Variants in ADARB1 observed in about 807,000 individuals in gnomAD.
ADARB1 encodes adenosine deaminase RNA specific B1.
In ADARB1, 10 loss-of-function variants were observed where a neutral mutation model predicts 52.4. That is an observed-to-expected ratio of 0.19 (90% CI 0.12 to 0.32). ADARB1 has a LOEUF of 0.32. Ranked by LOEUF, ADARB1 falls within the 10% of genes least tolerant of loss-of-function variation. The probability of loss-of-function intolerance (pLI) is 1.00; values close to 1 mark genes in which losing one functional copy is unlikely to be tolerated. For missense variants in ADARB1, 643 were observed against 922.3 expected (o/e 0.70, Z 3.92); for synonymous variants, 349 against 371.1 (o/e 0.94, Z 0.68).
rs1228369404 is a variant in ADARB1 at position 45,175,839 on chromosome 21, T to G, written c.138T>G (p.Gly46=). The change falls in exon 4 of 11, where the codon GGT becomes GGG. Residue 46 remains glycine, a synonymous_variant. Transcript: ENST00000348831. ...GCTCTCAGCTCTCCAATGGGGGTGG[T>G]GGTGGCCCCGGCAGAAAGCGGCCCC... The part of the protein sequence containing the change: ...GEGSQLSNGG[G]GGPGRKRPLE... The G allele has an allele frequency of 1.9e-6, 3 of 1,613,862 alleles. No homozygotes were observed.
At chr21:45,113,410 A>G (rs1005835976) in intron 1 of ADARB1, among the ~76,000 whole-genome samples, 1 of 151,950 alleles carries the variant, frequency 6.6e-6, no homozygotes, top group Non-Finnish European at 1.5e-5. Context: ...GCGACAGAGC[A>G]AGACTCTGTC....
intron 4 of ADARB1, among the ~76,000 whole-genome samples, chr21:45,178,362 C>T (rs887488136): frequency 2.0e-5 from 3 of 152,260 alleles, no homozygotes; most frequent in Non-Finnish European, 2.9e-5. Flanking sequence ...CCTGACGCCA[C>T]GTTCCTCTGG....
At chr21:45,161,419 T>C (rs750531351) in intron 2 of ADARB1, among the ~76,000 whole-genome samples, 8 of 152,188 alleles carry the variant, frequency 5.3e-5, no homozygotes, top group Non-Finnish European at 1.2e-4. Flanking sequence ...CAGATCAAAG[T>C]TGTGGCCGAG....
At chr21:45,094,379 A>T (rs2086673258) in intron 1 of ADARB1, among the ~76,000 whole-genome samples, 1 of 152,150 alleles carries the variant, frequency 6.6e-6, no homozygotes, top group Admixed American at 6.5e-5. Context: ...GCCTGAAATT[A>T]CCTTTAAACT....
At chr21:45,103,531 G>A (rs2087117228) in intron 1 of ADARB1, among the ~76,000 whole-genome samples, 1 of 151,812 alleles carries the variant, frequency 6.6e-6, no homozygotes, top group Admixed American at 6.6e-5. Flanking sequence ...TAAGGAATGT[G>A]CAACCTAGAC....
At chr21:45,152,130 A>T (rs1273351921) in intron 2 of ADARB1, among the ~76,000 whole-genome samples, 2 of 152,224 alleles carry the variant, frequency 1.3e-5, no homozygotes, top group Admixed American at 1.3e-4. Flanking sequence ...AGCTGTTTTC[A>T]TCAGCTGGCG....
chr21:45,163,480 G>C (rs2146053175), intron 2 of ADARB1, among the ~76,000 whole-genome samples: 1 of 152,286 alleles, frequency 6.6e-6, no homozygotes, highest in Non-Finnish European at 1.5e-5. Context: ...CAGGCCAGCG[G>C]GGGAGTGAGC....
intron 1 of ADARB1, among the ~76,000 whole-genome samples, chr21:45,127,553 C>T (rs368453047): frequency 9.8e-4 from 149 of 152,296 alleles, no homozygotes; most frequent in African/African-American, 3.3e-3. Context: ...AGGTAGCCTC[C>T]AATCTCCTCT....
chr21:45,223,552 G>T lies in ADARB1; in HGVS notation c.*1355G>T, dbSNP rs2093002472. On this transcript the variant is annotated 3_prime_UTR_variant, in exon 11 of 11. Coordinates refer to ENST00000348831, the MANE Select transcript of ADARB1 (RefSeq NM_001112.4). ...GCTCTGCCTGCCAGTGCAGTGCCCA[G>T]CTCCAAGGCTCTAGAGGGTGTTCAG... The T allele has an allele frequency of 2.0e-6, 2 of 985,734 alleles. No individual in the cohort carries two copies. The highest frequency in any genetic ancestry group is 2.4e-6 in the Non-Finnish European group (2 of 830,154). 61.1% of individuals were successfully genotyped at this position (985,734 alleles called of 1,614,324 possible).
At position 45,208,209 on chromosome 21, in the gene ADARB1, G is replaced by A. The variant is rs571181043; in HGVS notation, c.1747+3473G>A. Among the ~76,000 whole-genome samples, 75 of 152,320 alleles carry A rather than the reference G, an allele frequency of 4.9e-4. No homozygotes were observed. The highest frequency in any genetic ancestry group is 3.4e-3 in the Middle Eastern group (1 of 294). ...CAGTTTGTTGTCCAACGCTCACTAA[G>A]ATAAACCAAGAAGAAGGAGCAGGGT... On this transcript the variant is annotated intron_variant, in intron 9 of 10. Transcript: ENST00000348831. This position sits in a 1 kb window ranked among gnomAD's most constrained non-coding sequence, Gnocchi z 5.6.
intron 1 of ADARB1, among the ~76,000 whole-genome samples, chr21:45,110,023 C>T (rs1004857704): frequency 6.6e-6 from 1 of 152,190 alleles, no homozygotes; most frequent in East Asian, 1.9e-4. Flanking sequence ...TCACAGTCCT[C>T]GCTCTGAAAA....
chr21:45,106,789 T>C (rs889422205), intron 1 of ADARB1, among the ~76,000 whole-genome samples: 3 of 152,120 alleles, frequency 2.0e-5, no homozygotes, highest in Non-Finnish European at 4.4e-5. Context: ...TCTGTGTCAG[T>C]TGTATCTCCC....
intron 1 of ADARB1, among the ~76,000 whole-genome samples, chr21:45,126,297 G>C (rs2088574445): frequency 6.6e-6 from 1 of 152,160 alleles, no homozygotes. Context: ...GCACTGTTAG[G>C]AGCAGCGTCT....
chr21:45,183,526 C>A lies in ADARB1; in HGVS notation c.1396+16C>A. 1 of 1,609,956 alleles carries A rather than the reference C, an allele frequency of 6.2e-7. No homozygotes were observed. The highest frequency in any genetic ancestry group is 8.5e-7 in the Non-Finnish European group (1 of 1,178,960). ...ATCCTGGAAGGTATGAGACGAGATTCTTCAACAAGCCAGTTTCTCAAGAAA... is the reference window on the plus strand; with the variant it reads ...ATCCTGGAAGGTATGAGACGAGATTATTCAACAAGCCAGTTTCTCAAGAAA... On this transcript the variant is annotated intron_variant, in intron 7 of 10. Coordinates refer to ENST00000348831, the MANE Select transcript of ADARB1 (RefSeq NM_001112.4).
chr21:45,170,529 A>G (rs975951345), intron 2 of ADARB1, among the ~76,000 whole-genome samples: 1 of 152,000 alleles, frequency 6.6e-6, no homozygotes, highest in African/African-American at 2.4e-5. Flanking sequence ...TGCCTGAAAT[A>G]TAGTGAGATT....
At position 45,224,734 on chromosome 21, in the gene ADARB1, G is replaced by T; in HGVS notation, c.*2537G>T. The T allele has an allele frequency of 1.0e-6, 1 of 997,854 alleles. No homozygotes were observed. Among genetic ancestry groups the T allele is most frequent in the East Asian group, 1.1e-4 (1 of 8,938 alleles). The allele number at this position is 997,854 out of a possible 1,614,324, so 61.8% of individuals were successfully genotyped here. ...GTTTCGGGGAGCCCTGGGCGGGGCG[G>T]CTGTGGGGAGGAAGGTGACGTGCAG... On this transcript the variant is annotated 3_prime_UTR_variant, in exon 11 of 11. Coordinates refer to ENST00000348831, the MANE Select transcript of ADARB1 (RefSeq NM_001112.4).
At position 45,224,912 on chromosome 21, in the gene ADARB1, C is replaced by G. The variant is rs2093037599; in HGVS notation, c.*2715C>G. 1.0e-6 allele frequency: 1 copy of G among 985,328 alleles called. No homozygotes were observed. The highest frequency in any genetic ancestry group is 1.2e-6 in the Non-Finnish European group (1 of 829,912). 61.0% of individuals were successfully genotyped at this position (985,328 alleles called of 1,614,324 possible). A position where few individuals can be genotyped will look rare whatever the true frequency, so the allele number is the denominator to read the frequency against. On this transcript the variant is annotated 3_prime_UTR_variant, in exon 11 of 11. Coordinates refer to ENST00000348831, the MANE Select transcript of ADARB1 (RefSeq NM_001112.4). ...TGAGCGCTCGGTGTGCACTTTTAGACTATAGCTGTTTCATTGACGTGTCAC... is the reference window on the plus strand; with the variant it reads ...TGAGCGCTCGGTGTGCACTTTTAGAGTATAGCTGTTTCATTGACGTGTCAC...
At chr21:45,165,191 A>C (rs992665874) in intron 2 of ADARB1, among the ~76,000 whole-genome samples, 1 of 152,134 alleles carries the variant, frequency 6.6e-6, no homozygotes, top group Non-Finnish European at 1.5e-5. Context: ...AAGGAACTAG[A>C]GCCACAGTTT....
At chr21:45,169,583 A>G (rs2091399609) in intron 2 of ADARB1, among the ~76,000 whole-genome samples, 1 of 152,014 alleles carries the variant, frequency 6.6e-6, no homozygotes, top group Admixed American at 6.6e-5. Flanking sequence ...CAGTCTTTTT[A>G]TGTGTGTTTT....
Sources: gnomAD v4.1 joint callset for allele counts (sites outside exome capture counted in the v4.1 genomes callset) on GRCh38, gnomAD v4.1.1 for gene constraint, Gnocchi (gnomAD v3.1) non-coding constraint, MANE v1.5 for transcripts, NCBI Gene and HGNC (gene_info 2026-07-23, HGNC 2026-07-21) for gene names.